Variants in NASP observed in about 807,000 individuals in gnomAD.
NASP encodes nuclear autoantigenic sperm protein.
In NASP, 24 loss-of-function variants were observed where a neutral mutation model predicts 89.5. That is an observed-to-expected ratio of 0.27 (90% CI 0.19 to 0.38). The LOEUF is 0.38. NASP is among the 10% of genes least tolerant of loss of function. NASP has a pLI of 1.00. For missense variants in NASP, 848 were observed against 921.4 expected, an observed-to-expected ratio of 0.92 and a Z score of 1.03; for synonymous variants, 306 against 324.7, an observed-to-expected ratio of 0.94 and a Z score of 0.62.
chr1:45,610,771 C>CA (rs1158041099), intron 6 of NASP: 3 of 152,360 alleles, frequency 2.0e-5, no homozygotes, highest in Admixed American at 6.5e-5. Context: ...AGCTGGGGTG[C>CA]AGTGGTGCGG....
Position 45,584,089 on chromosome 1 carries a change from T to C in NASP, c.-58T>C, listed in dbSNP as rs1644489306. On this transcript the variant is annotated 5_prime_UTR_variant, in exon 1 of 15. Coordinates refer to ENST00000350030, the MANE Select transcript of NASP (RefSeq NM_002482.4). ...CTGAGTGAGTCTCTGGCGTCCCAAA[T>C]TGCCTGTTTTTCTCGCAGGCTCTAT... 1 of 1,486,412 alleles carries C rather than the reference T, an allele frequency of 6.7e-7. No homozygotes were observed. Among genetic ancestry groups the C allele is most frequent in the East Asian group, 2.5e-5 (1 of 40,738 alleles). 92.1% of individuals were successfully genotyped at this position (1,486,412 alleles called of 1,614,324 possible).
Position 45,613,082 on chromosome 1 carries a change from T to C in NASP, c.1427-87T>C, listed in dbSNP as rs1644042893. On this transcript the variant is annotated intron_variant, in intron 6 of 14. Coordinates refer to ENST00000350030, the MANE Select transcript of NASP (RefSeq NM_002482.4). Reference sequence around the variant, plus strand: ...TAGCATCTGGCCTGTCCTATCTGAATATAGGTTGAGACGTGTATTGGAATC... The same window carrying C: ...TAGCATCTGGCCTGTCCTATCTGAACATAGGTTGAGACGTGTATTGGAATC... 3 of 1,483,174 alleles carry C rather than the reference T, an allele frequency of 2.0e-6. No homozygotes were observed. The Admixed American group carries it at 7.1e-5, about 35-fold the overall frequency. 91.9% of individuals were successfully genotyped at this position (1,483,174 alleles called of 1,614,324 possible). A position where few individuals can be genotyped will look rare whatever the true frequency, so the allele number is the denominator to read the frequency against.
intron 13 of NASP, chr1:45,617,142 C>G: frequency 3.1e-6 from 1 of 320,040 alleles, no homozygotes; most frequent in Admixed American, 4.8e-5. Flanking sequence ...TGCCCTCAGC[C>G]AGGGAACTCT....
chr1:45,617,507 A>G lies in NASP; in HGVS notation c.2202A>G (p.Lys734=), dbSNP rs1264355752. The change falls in exon 14 of 15, where the codon AAA becomes AAG. Residue 734 remains lysine, a synonymous_variant. Coordinates refer to ENST00000350030, the MANE Select transcript of NASP (RefSeq NM_002482.4). Reference sequence around the variant, plus strand: ...GTCCCCGGAAAGATGATGCAAAGAAAGCCAAACAAGAGCCGGAGGTGAACG... The same window carrying G: ...GTCCCCGGAAAGATGATGCAAAGAAGGCCAAACAAGAGCCGGAGGTGAACG... The part of the protein sequence containing the change: ...EESPRKDDAK[K]AKQEPEVNGG... 5 of 1,613,822 alleles carry G rather than the reference A, an allele frequency of 3.1e-6. No individual in the cohort carries two copies. The Admixed American group carries it at 8.3e-5, about 27-fold the overall frequency.
In NASP at chr1:45,613,188, G is replaced by A. The variant is rs767788138; in HGVS notation, c.1446G>A (p.Glu482=). ...TTGTAGAAACTGAAGGCTCAGAAGA[G>A]GATGATAAAGAAAATGATAAGACCG... ...KEGEETEGSE[E]DDKENDKTEE... Residue 482 remains glutamate (E), a synonymous_variant, in exon 7 of 15, where the codon GAG becomes GAA. Transcript: ENST00000350030. 20 of 1,609,408 alleles carry A rather than the reference G, an allele frequency of 1.2e-5. No homozygotes were observed. Among genetic ancestry groups the A allele is most frequent in the Non-Finnish European group, 1.6e-5 (19 of 1,178,180 alleles).
At chr1:45,586,306 T>TGG (rs1644548611) in intron 1 of NASP, among the ~76,000 whole-genome samples, 2 of 130,884 alleles carry the variant, frequency 1.5e-5, no homozygotes, top group East Asian at 2.3e-4. Flanking sequence ...TGTGTGTGTG[T>TGG]GTGGTGTGTG....
intron 7 of NASP, 98 bp downstream of exon 7, chr1:45,613,346 T>A: frequency 7.3e-7 from 1 of 1,361,114 alleles, no homozygotes; most frequent in Non-Finnish European, 9.8e-7. Flanking sequence ...AGTGGGGTGA[T>A]CATGATCATG....
intron 2 of NASP, among the ~76,000 whole-genome samples, chr1:45,597,120 C>T (rs1365931409): frequency 6.6e-6 from 1 of 152,040 alleles, no homozygotes; most frequent in Non-Finnish European, 1.5e-5. Flanking sequence ...ACCAGCCTGG[C>T]CAACATGGTG....
intron 2 of NASP, among the ~76,000 whole-genome samples, chr1:45,600,216 A>G (rs1643806755): frequency 6.6e-6 from 1 of 152,226 alleles, no homozygotes; most frequent in Non-Finnish European, 1.5e-5. Flanking sequence ...AGAAACATTA[A>G]ATGAAAGTCT....
At chr1:45,617,012 T>C (rs1390619123) in intron 13 of NASP, among the ~76,000 whole-genome samples, 2 of 152,056 alleles carry the variant, frequency 1.3e-5, no homozygotes, top group Admixed American at 6.6e-5. Flanking sequence ...GCCTGGCTAG[T>C]TTTTGTATTT....
intron 13 of NASP, 132 bp downstream of exon 13, chr1:45,616,835 T>C (rs1644114362): frequency 1.2e-6 from 1 of 838,670 alleles, no homozygotes; most frequent in South Asian, 1.5e-5. Flanking sequence ...GATTTGTGAG[T>C]GGAGACTGTT....
At chr1:45,616,820 G>T in intron 13 of NASP, 117 bp downstream of exon 13, 24 of 976,620 alleles carry the variant, frequency 2.5e-5, no homozygotes, top group Non-Finnish European at 3.5e-5. Context: ...TCCAAAGGTG[G>T]TAAGGATTTG....
chr1:45,588,587 C>A, intron 1 of NASP: 1 of 448,320 alleles, frequency 2.2e-6, no homozygotes, highest in Non-Finnish European at 4.5e-6. Context: ...CTCCTTAACC[C>A]TATCTTTGAC....
intron 2 of NASP, chr1:45,594,616 C>A: frequency 2.4e-6 from 1 of 410,608 alleles, no homozygotes; most frequent in South Asian, 1.7e-5. Context: ...AGGTGATCCT[C>A]CTGCCTTAGA....
intron 6 of NASP, chr1:45,609,673 A>G (rs1351765553): frequency 6.6e-6 from 1 of 152,236 alleles, no homozygotes; most frequent in African/African-American, 2.4e-5. Context: ...TCGTTGGATC[A>G]TAATTAACAT....
intron 2 of NASP, among the ~76,000 whole-genome samples, chr1:45,593,555 A>C (rs1012939380): frequency 5.5e-5 from 8 of 145,942 alleles, no homozygotes; most frequent in Admixed American, 2.1e-4. Flanking sequence ...AAAAAAAAAA[A>C]CTCCGAGAAC....
intron 1 of NASP, among the ~76,000 whole-genome samples, chr1:45,586,259 T>TGTGTGTGTGTGTG (rs1644535289): frequency 4.9e-5 from 3 of 61,262 alleles, no homozygotes; most frequent in Admixed American, 4.5e-4. Context: ...TGTGTGTGTG[T>TGTGTGTGTGTGTG]GTGTGTGTGT....
At chr1:45,591,084 G>A in intron 1 of NASP, 139 bp from the exon 2 acceptor site, 1 of 534,354 alleles carries the variant, frequency 1.9e-6, no homozygotes, top group Non-Finnish European at 3.2e-6. Flanking sequence ...ATTTGATAAT[G>A]TAAGTAAGTA....
chr1:45,584,532 G>C (rs1030841576), intron 1 of NASP, among the ~76,000 whole-genome samples: 2 of 152,244 alleles, frequency 1.3e-5, no homozygotes, highest in Non-Finnish European at 2.9e-5. Flanking sequence ...GGGCCCTGGC[G>C]CGCGGGTTGG....
Sources: allele counts gnomAD v4.1 joint callset (sites outside exome capture counted in the v4.1 genomes callset), GRCh38; gene constraint gnomAD v4.1.1; transcripts MANE v1.5; gene names NCBI Gene and HGNC (gene_info 2026-07-23, HGNC 2026-07-21).